RIPOR2: variants seen among roughly 807,000 people sequenced by gnomAD.
RIPOR2 encodes the protein rho family-interacting cell polarization regulator 2.
RIPOR2 carries 39 observed loss-of-function variants against 114.5 expected under a neutral mutation model. The ratio of observed to expected loss-of-function variants is 0.34; its 90% CI spans 0.26 to 0.44. The LOEUF (loss-of-function observed/expected upper bound fraction) is 0.44, where lower values mean the gene tolerates loss of function less well. Among genes scored for constraint, RIPOR2 ranks in the 20% least tolerant of loss-of-function variants. The probability of loss-of-function intolerance (pLI) is 1.00; values close to 1 mark genes in which losing one functional copy is unlikely to be tolerated. For missense variants in RIPOR2, 1,007 were observed against 1,255.1 expected (o/e 0.80, Z 2.99); for synonymous variants, 445 against 484.4 (o/e 0.92, Z 1.07).
At chr6:24,981,953 C>A (rs1371169089) in intron 1 of RIPOR2, among the ~76,000 whole-genome samples, 1 of 152,218 alleles carries the variant, frequency 6.6e-6, no homozygotes, top group Non-Finnish European at 1.5e-5. Flanking sequence ...CTTGGCACTG[C>A]AAAAGCAGAG....
At chr6:24,930,800 A>C (rs759213549) in intron 1 of RIPOR2, among the ~76,000 whole-genome samples, 8 of 152,228 alleles carry the variant, frequency 5.3e-5, no homozygotes, top group Non-Finnish European at 1.2e-4. Context: ...AGAGTGACCA[A>C]TTCTTTTCAA....
At chr6:24,876,440 T>C (rs1239773211) in intron 1 of RIPOR2, among the ~76,000 whole-genome samples, 2 of 152,072 alleles carry the variant, frequency 1.3e-5, no homozygotes, top group Admixed American at 6.6e-5. Flanking sequence ...TTTATCTCCA[T>C]TCAACAACAA....
At position 24,917,208 on chromosome 6, in the gene RIPOR2, A is replaced by G. The variant is rs551795666; in HGVS notation, c.61+18630T>C. On this transcript the variant is annotated intron_variant, in intron 1 of 21. Transcript: ENST00000643898. Reference sequence around the variant, plus strand: ...TTTTTGAATTTTTGGTCCCAAGACCATTTTATGCTTTTAAAAAATATTGAG... The same window carrying G: ...TTTTTGAATTTTTGGTCCCAAGACCGTTTTATGCTTTTAAAAAATATTGAG... Among the ~76,000 whole-genome samples the G allele has an allele frequency of 6.6e-5, 10 of 152,296 alleles. No homozygotes were observed. In the East Asian group the frequency reaches 1.9e-3, roughly 29 times the overall value.
At position 24,858,899 on chromosome 6, in the gene RIPOR2, C is replaced by T. The variant is rs1159523165; in HGVS notation, c.715+2074G>A. Among the ~76,000 whole-genome samples the T allele has an allele frequency of 2.0e-5, 3 of 152,190 alleles. No individual in the cohort carries two copies. The highest frequency in any genetic ancestry group is 2.9e-5 in the Non-Finnish European group (2 of 68,022). ...GAACACCAAGCCTGAAGCTCCAGATCTGGTCCGAGGGTGGTCCCTTTCCTC... is the reference window on the plus strand; with the variant it reads ...GAACACCAAGCCTGAAGCTCCAGATTTGGTCCGAGGGTGGTCCCTTTCCTC... On this transcript the variant is annotated intron_variant, in intron 8 of 21. Coordinates refer to ENST00000643898, the MANE Select transcript of RIPOR2 (RefSeq NM_001286445.3). The surrounding 1 kb of genome is among the most constrained non-coding windows in gnomAD (Gnocchi z 4.0).
intron 1 of RIPOR2, among the ~76,000 whole-genome samples, chr6:24,956,185 A>T (rs1032542396): frequency 6.6e-6 from 1 of 152,136 alleles, no homozygotes; most frequent in Non-Finnish European, 1.5e-5. Context: ...TCCACACATG[A>T]TTGTGTGTCT....
At chr6:24,916,927 A>C (rs954154871) in intron 1 of RIPOR2, among the ~76,000 whole-genome samples, 5 of 152,050 alleles carry the variant, frequency 3.3e-5, no homozygotes, top group Non-Finnish European at 7.4e-5. Flanking sequence ...CTTCCACACC[A>C]AGTGACCTGT....
chr6:24,836,025 T>A, intron 14 of RIPOR2, 154 bp from the exon 15 acceptor site: 1 of 676,836 alleles, frequency 1.5e-6, no homozygotes, highest in Non-Finnish European at 2.5e-6. Context: ...AAAAATTACT[T>A]AATTCAGCCT....
intron 1 of RIPOR2, among the ~76,000 whole-genome samples, chr6:24,984,965 T>C (rs1007776110): frequency 6.6e-6 from 1 of 152,224 alleles, no homozygotes; most frequent in Non-Finnish European, 1.5e-5. Flanking sequence ...TGAGAAGCCC[T>C]GCGAGCCCCT....
At chr6:24,893,512 G>A (rs1767567256) in intron 1 of RIPOR2, among the ~76,000 whole-genome samples, 1 of 152,136 alleles carries the variant, frequency 6.6e-6, no homozygotes, top group Non-Finnish European at 1.5e-5. Flanking sequence ...CATGAGAAGG[G>A]GAATGTGTCT....
rs975637635 is a variant in RIPOR2, at chr6:24,971,874, C to T, written c.76+69977G>A. Among the ~76,000 whole-genome samples, 8 of 133,076 alleles carry T rather than the reference C, an allele frequency of 6.0e-5. No homozygotes were observed. In the East Asian group the frequency reaches 1.7e-3, roughly 28 times the overall value. 87.3% of individuals were successfully genotyped at this position (133,076 alleles called of 152,430 possible). A position where few individuals can be genotyped will look rare whatever the true frequency, so the allele number is the denominator to read the frequency against. On this transcript the variant is annotated intron_variant, in intron 1 of 13. Transcript: ENST00000510784. ...CTTTGAGCAAGTTTAATGAGTCTTGCCAAGTGTCAAATTCTTCAACTATAA... is the reference window on the plus strand; with the variant it reads ...CTTTGAGCAAGTTTAATGAGTCTTGTCAAGTGTCAAATTCTTCAACTATAA...
At chr6:25,020,015 T>C (rs1233664245) in intron 1 of RIPOR2, among the ~76,000 whole-genome samples, 1 of 151,912 alleles carries the variant, frequency 6.6e-6, no homozygotes, top group Non-Finnish European at 1.5e-5. Context: ...TAGGAAGTCA[T>C]ACTTCAAAAT....
intron 1 of RIPOR2, among the ~76,000 whole-genome samples, chr6:25,019,644 C>T (rs866507533): frequency 2.7e-5 from 4 of 150,720 alleles, no homozygotes; most frequent in South Asian, 4.2e-4. Context: ...CGTGGTGGCA[C>T]GTGCCTGTAA....
chr6:25,041,894 T>A (rs1169145835), exon 1 of RIPOR2: 3 of 702,866 alleles, frequency 4.3e-6, no homozygotes, highest in Non-Finnish European at 7.8e-6. Flanking sequence ...ATGGCCTGTT[T>A]CTGATCCAGT....
chr6:24,953,302 C>A (rs1035974354), intron 1 of RIPOR2, among the ~76,000 whole-genome samples: 4 of 150,548 alleles, frequency 2.7e-5, no homozygotes, highest in African/African-American at 9.8e-5. Context: ...CATTGAATTG[C>A]AGCCTGGGCA....
At chr6:24,963,029 ATG>A (rs372524418) in intron 1 of RIPOR2, among the ~76,000 whole-genome samples, 85 of 152,124 alleles carry the variant, frequency 5.6e-4, no homozygotes, top group African/African-American at 1.9e-3. Context: ...CAGAGAATGC[ATG>A]TGTTTTTTTG....
At chr6:24,873,890 T>G (rs1765456558) in intron 2 of RIPOR2, 91 bp from the exon 3 acceptor site, 1 of 1,139,726 alleles carries the variant, frequency 8.8e-7, no homozygotes, top group African/African-American at 1.6e-5. Context: ...TTGTTTGTTT[T>G]AGAGACAAAG....
chr6:24,854,225 A>G (rs569156558), intron 8 of RIPOR2, among the ~76,000 whole-genome samples: 62 of 152,202 alleles, frequency 4.1e-4, no homozygotes, highest in African/African-American at 1.4e-3. Context: ...TTTTTTCTGT[A>G]TTTTTATGAG....
At chr6:24,841,171 G>A (rs892030779) in intron 13 of RIPOR2, among the ~76,000 whole-genome samples, 1 of 152,142 alleles carries the variant, frequency 6.6e-6, no homozygotes, top group African/African-American at 2.4e-5. Flanking sequence ...CTAGATGCCT[G>A]GAATGGGAGC....
intron 1 of RIPOR2, among the ~76,000 whole-genome samples, chr6:24,907,449 C>T (rs753658841): frequency 1.3e-5 from 2 of 152,104 alleles, no homozygotes; most frequent in African/African-American, 2.4e-5. Context: ...GATAGCCTGC[C>T]GCACTCAGGA....
Sources: allele counts gnomAD v4.1 joint callset (sites outside exome capture counted in the v4.1 genomes callset), GRCh38; gene constraint gnomAD v4.1.1; non-coding constraint Gnocchi (gnomAD v3.1); transcripts MANE v1.5; gene names NCBI Gene and HGNC (gene_info 2026-07-23, HGNC 2026-07-21).